CADM2: variants seen among roughly 807,000 people sequenced by gnomAD.
CADM2 encodes cell adhesion molecule 2.
CADM2 carries 12 observed loss-of-function variants against 49.8 expected under a neutral mutation model. That is an observed-to-expected ratio of 0.24 (90% confidence interval 0.15 to 0.39). The LOEUF is 0.39. Among genes scored for constraint, CADM2 ranks in the 10% least tolerant of loss-of-function variants. The probability of loss-of-function intolerance (pLI) is 1.00; values close to 1 mark genes in which losing one functional copy is unlikely to be tolerated. For missense variants in CADM2, 378 were observed against 492.3 expected (o/e 0.77, Z 2.20); for synonymous variants, 214 against 175.4 (o/e 1.22, Z -1.74).
chr3:85,298,368 C>T (rs1576308588), intron 1 of CADM2, among the ~76,000 whole-genome samples: 1 of 152,086 alleles, frequency 6.6e-6, no homozygotes, highest in African/African-American at 2.4e-5. Context: ...ACCCTTCTTC[C>T]TCTGAAATGA....
At chr3:85,247,182 A>G (rs940407142) in intron 1 of CADM2, among the ~76,000 whole-genome samples, 2 of 152,080 alleles carry the variant, frequency 1.3e-5, no homozygotes, top group African/African-American at 4.8e-5. Context: ...CATAGTGTAG[A>G]ACATTAAACT....
chr3:85,773,168 TA>T lies in CADM2; in HGVS notation c.89-28873del, dbSNP rs763415055. 9.9e-5 allele frequency among the ~76,000 whole-genome samples: 15 copies of T among 151,000 alleles called. 1 individual carries two copies. Among genetic ancestry groups the T allele is most frequent in the Non-Finnish European group, 2.1e-4 (14 of 67,436 alleles). Reference sequence around the variant, plus strand: ...CATCTTCTTAAAACACAAAACAAAATAAAAAAGACCTGTCAAAATGTCATAG... The same window carrying T: ...CATCTTCTTAAAACACAAAACAAAATAAAAAGACCTGTCAAAATGTCATAG... On this transcript the variant is annotated intron_variant, in intron 2 of 9. Transcript: ENST00000383699.
chr3:85,449,356 C>G (rs58703893), intron 1 of CADM2, among the ~76,000 whole-genome samples: 1 of 151,628 alleles, frequency 6.6e-6, no homozygotes, highest in African/African-American at 2.4e-5. Flanking sequence ...AGAAATTATT[C>G]CTTTTTTTAA....
chr3:85,302,067 T>G (rs1192077599), intron 1 of CADM2, among the ~76,000 whole-genome samples: 1 of 152,066 alleles, frequency 6.6e-6, no homozygotes, highest in Non-Finnish European at 1.5e-5. Context: ...TATTCTAATA[T>G]GTGTCATTGT....
At chr3:85,597,465 T>C (rs1272636974) in intron 1 of CADM2, among the ~76,000 whole-genome samples, 2 of 152,140 alleles carry the variant, frequency 1.3e-5, no homozygotes, top group Non-Finnish European at 2.9e-5. Flanking sequence ...TATATCTTGC[T>C]TGTTTGTTTC....
chr3:85,258,600 C>G (rs1293104585), intron 1 of CADM2, among the ~76,000 whole-genome samples: 1 of 151,984 alleles, frequency 6.6e-6, no homozygotes, highest in East Asian at 1.9e-4. Flanking sequence ...AAGACGCTAT[C>G]CAATCCCTGA....
intron 2 of CADM2, among the ~76,000 whole-genome samples, chr3:85,797,091 T>TA (rs534621926): frequency 2.1e-3 from 269 of 127,242 alleles, no homozygotes; most frequent in South Asian, 4.5e-3. Context: ...AGAATCCATT[T>TA]AAAAAAAAAA....
At chr3:85,327,179 A>G (rs1031584950) in intron 1 of CADM2, among the ~76,000 whole-genome samples, 18 of 152,148 alleles carry the variant, frequency 1.2e-4, no homozygotes, top group African/African-American at 4.1e-4. Context: ...CTTCTAAAAT[A>G]CAAAGGGAGA....
At chr3:85,510,414 T>G (rs1249430832) in intron 1 of CADM2, among the ~76,000 whole-genome samples, 1 of 152,074 alleles carries the variant, frequency 6.6e-6, no homozygotes, top group Non-Finnish European at 1.5e-5. Flanking sequence ...ACAGACATTA[T>G]GTAAAATGAA....
In CADM2 at chr3:85,962,295, A is replaced by G. The variant is rs151164842; in HGVS notation, c.970+648A>G. On this transcript the variant is annotated intron_variant, in intron 8 of 9. Transcript: ENST00000383699. ...TGAAAATTACATTTCCTTTAAGCTAATTTTTATTGTATTATCATAAACATA... is the reference window on the plus strand; with the variant it reads ...TGAAAATTACATTTCCTTTAAGCTAGTTTTTATTGTATTATCATAAACATA... 9.6e-3 allele frequency among the ~76,000 whole-genome samples: 1,459 copies of G among 152,016 alleles called. 21 individuals are homozygous for G. Among genetic ancestry groups the G allele is most frequent in the African/African-American group, 0.032 (1,327 of 41,514 alleles).
In CADM2 at chr3:85,582,215, C is replaced by T. The variant is rs546535843; in HGVS notation, c.62-144307C>T. 3.9e-5 allele frequency among the ~76,000 whole-genome samples: 6 copies of T among 152,204 alleles called. 1 individual carries two copies. The highest frequency in any genetic ancestry group is 1.2e-4 in the African/African-American group (5 of 41,540). ...CTGGGATTACTGTCCTGAGCCACCA[C>T]GCCTGGCCCTTAATTTGAAGTTCTA... On this transcript the variant is annotated intron_variant, in intron 1 of 9. Transcript: ENST00000383699.
chr3:85,295,556 G>T, intron 1 of CADM2, among the ~76,000 whole-genome samples: 1 of 151,828 alleles, frequency 6.6e-6, no homozygotes, highest in Non-Finnish European at 1.5e-5. Context: ...ATCCAACAAT[G>T]ATAGACTGGA....
intron 1 of CADM2, among the ~76,000 whole-genome samples, chr3:85,029,398 G>A (rs2034880911): frequency 6.6e-6 from 1 of 152,124 alleles, no homozygotes; most frequent in Admixed American, 6.5e-5. Context: ...GAGATGGGCC[G>A]AGAGTCTCTT....
intron 2 of CADM2, among the ~76,000 whole-genome samples, chr3:85,782,109 A>G (rs573438833): frequency 4.6e-5 from 7 of 152,312 alleles, no homozygotes; most frequent in Admixed American, 4.6e-4. Flanking sequence ...ATAATAGAAC[A>G]TTCTTAATGC....
At chr3:85,894,789 G>A (rs1303805286) in intron 5 of CADM2, among the ~76,000 whole-genome samples, 1 of 152,202 alleles carries the variant, frequency 6.6e-6, no homozygotes, top group East Asian at 1.9e-4. Flanking sequence ...TCAGGATGCT[G>A]CTTCAGAGGG....
intron 1 of CADM2, among the ~76,000 whole-genome samples, chr3:85,475,618 A>G (rs2038945811): frequency 6.6e-6 from 1 of 151,948 alleles, no homozygotes. Flanking sequence ...TTAATCTTAT[A>G]TAACAAAGCA....
chr3:85,100,096 T>G (rs947048477), intron 1 of CADM2, among the ~76,000 whole-genome samples: 1 of 152,154 alleles, frequency 6.6e-6, no homozygotes, highest in Admixed American at 6.5e-5. Context: ...TTGCTCTAAA[T>G]TTTTCTTTCC....
At chr3:85,469,636 TG>T in intron 1 of CADM2, among the ~76,000 whole-genome samples, 1 of 152,194 alleles carries the variant, frequency 6.6e-6, no homozygotes, top group African/African-American at 2.4e-5. Context: ...ACCTATCAGA[TG>T]GGATGTGATT....
chr3:85,082,630 G>A (rs576200231), intron 1 of CADM2, among the ~76,000 whole-genome samples: 26 of 152,030 alleles, frequency 1.7e-4, no homozygotes, highest in African/African-American at 4.8e-4. Flanking sequence ...ACTAGGTGCC[G>A]GGGTGCTTGA....
Sources: gnomAD v4.1 joint callset for allele counts (sites outside exome capture counted in the v4.1 genomes callset) on GRCh38, gnomAD v4.1.1 for gene constraint, MANE v1.5 for transcripts, NCBI Gene and HGNC (gene_info 2026-07-23, HGNC 2026-07-21) for gene names.